The following BEND4 variants were observed in gnomAD, a reference collection of about 807,000 sequenced individuals.
The protein encoded by BEND4 is BEN domain-containing protein 4.
In BEND4, 27 loss-of-function variants were observed where a neutral mutation model predicts 54.7. The observed-to-expected ratio is 0.49, with a 90% CI of 0.36 to 0.68. BEND4 has a LOEUF of 0.68. Ranked by LOEUF, BEND4 falls within the 30% of genes least tolerant of loss-of-function variation. The probability of loss-of-function intolerance (pLI) is 0.00; values close to 1 mark genes in which losing one functional copy is unlikely to be tolerated. For synonymous variants in BEND4, 327 were observed against 299.5 expected (o/e 1.09, Z -0.95); for missense variants, 702 against 697.2 (o/e 1.01, Z -0.08).
At chr4:42,123,658 A>G (rs970834644) in intron 4 of BEND4, among the ~76,000 whole-genome samples, 6 of 141,770 alleles carry the variant, frequency 4.2e-5, no homozygotes, top group Admixed American at 2.2e-4. Context: ...GGAGCAAAGG[A>G]TTTTAAGCAT....
chr4:42,140,998 T>C (rs1720860462), intron 3 of BEND4, among the ~76,000 whole-genome samples: 1 of 151,910 alleles, frequency 6.6e-6, no homozygotes, highest in African/African-American at 2.4e-5. Flanking sequence ...AACTAAGCAC[T>C]GGTTACACAG....
chr4:42,125,516 T>A, intron 4 of BEND4, 67 bp downstream of exon 4: 1 of 1,250,762 alleles, frequency 8.0e-7, no homozygotes, highest in Middle Eastern at 1.9e-4. Context: ...TGGTATACAC[T>A]GATAAGTTAA....
At chr4:42,131,464 T>C (rs944017803) in intron 3 of BEND4, among the ~76,000 whole-genome samples, 1 of 152,224 alleles carries the variant, frequency 6.6e-6, no homozygotes, top group Non-Finnish European at 1.5e-5. Flanking sequence ...GTGGGTATAA[T>C]AGTTTTATAC....
At chr4:42,139,714 A>G (rs1192106824) in intron 3 of BEND4, among the ~76,000 whole-genome samples, 1 of 152,112 alleles carries the variant, frequency 6.6e-6, no homozygotes, top group Non-Finnish European at 1.5e-5. Context: ...TTCTGTGCTA[A>G]CTGCTGAGCG....
intron 2 of BEND4, among the ~76,000 whole-genome samples, chr4:42,149,656 CAAAAT>C (rs950564381): frequency 6.7e-6 from 1 of 148,206 alleles, no homozygotes; most frequent in African/African-American, 2.5e-5. Flanking sequence ...GGAACAGAGA[CAAAAT>C]AAACTAAACA....
intron 3 of BEND4, among the ~76,000 whole-genome samples, chr4:42,140,144 C>T (rs567442161): frequency 2.6e-5 from 4 of 152,290 alleles, no homozygotes; most frequent in African/African-American, 9.6e-5. Flanking sequence ...CCCAGTGACA[C>T]TTTAACCTGT....
At chr4:42,131,177 CT>C (rs1185183229) in intron 3 of BEND4, among the ~76,000 whole-genome samples, 1 of 152,100 alleles carries the variant, frequency 6.6e-6, no homozygotes, top group Non-Finnish European at 1.5e-5. Context: ...ACATGTTTAC[CT>C]ATGTAACAAA....
At chr4:42,149,963 A>G (rs1721205985) in intron 2 of BEND4, among the ~76,000 whole-genome samples, 1 of 152,238 alleles carries the variant, frequency 6.6e-6, no homozygotes, top group South Asian at 2.1e-4. Flanking sequence ...AGAGGAGATC[A>G]AAGACTGACC....
chr4:42,138,642 A>G (rs1720780087), intron 3 of BEND4, among the ~76,000 whole-genome samples: 1 of 152,242 alleles, frequency 6.6e-6, no homozygotes, highest in South Asian at 2.1e-4. Flanking sequence ...CAGCTTCACT[A>G]CAGTAACCTT....
chr4:42,144,222 AC>A, intron 2 of BEND4: 1 of 581,016 alleles, frequency 1.7e-6, no homozygotes, highest in Non-Finnish European at 3.0e-6. Context: ...GCTCTAGGAA[AC>A]GGCTGGACTG....
chr4:42,126,316 T>G (rs1720281694), intron 3 of BEND4, among the ~76,000 whole-genome samples: 1 of 152,192 alleles, frequency 6.6e-6, no homozygotes, highest in South Asian at 2.1e-4. Context: ...TAGCACCCAA[T>G]GATGCTTTTA....
chr4:42,144,050 A>T (rs752489179), intron 2 of BEND4, 56 bp from the exon 3 acceptor site: 5 of 1,256,340 alleles, frequency 4.0e-6, no homozygotes, highest in East Asian at 4.9e-5. Context: ...AAAGATAAAT[A>T]AAGTCCTCAA....
intron 3 of BEND4, among the ~76,000 whole-genome samples, chr4:42,130,036 C>G (rs1418725663): frequency 1.3e-5 from 2 of 152,148 alleles, no homozygotes; most frequent in Non-Finnish European, 2.9e-5. Flanking sequence ...CTACAAGGAA[C>G]TTAAACAAAT....
rs1262590702 is a variant in BEND4, at chr4:42,116,086, A to C, written c.*1432T>G. 6.6e-6 allele frequency: 1 copy of C among 152,226 alleles called. No individual in the cohort carries two copies. The highest frequency in any genetic ancestry group is 2.4e-5 in the African/African-American group (1 of 41,468). The allele number at this position is 152,226 out of a possible 1,614,324, so 9.4% of individuals were successfully genotyped here. A position where few individuals can be genotyped will look rare whatever the true frequency, so the allele number is the denominator to read the frequency against. On this transcript the variant is annotated 3_prime_UTR_variant, in exon 6 of 6. Coordinates refer to ENST00000502486, the MANE Select transcript of BEND4 (RefSeq NM_207406.4). Reference sequence around the variant, plus strand: ...TATTAAATCTAAAGGACAATTTATGAGTTTATGTTGACAAAAATAGCCCAA... The same window carrying C: ...TATTAAATCTAAAGGACAATTTATGCGTTTATGTTGACAAAAATAGCCCAA...
chr4:42,139,735 C>T (rs1324447757), intron 3 of BEND4, among the ~76,000 whole-genome samples: 1 of 152,096 alleles, frequency 6.6e-6, no homozygotes, highest in African/African-American at 2.4e-5. Context: ...TTGCGTTCTC[C>T]TTTGTATTCA....
In BEND4 at chr4:42,113,631, T is replaced by C. The variant is rs1046178223; in HGVS notation, c.*3887A>G. 1 of 152,112 alleles carries C rather than the reference T, an allele frequency of 6.6e-6. No homozygotes were observed. The highest frequency in any genetic ancestry group is 2.4e-5 in the African/African-American group (1 of 41,414). The allele number at this position is 152,112 out of a possible 1,614,324, so 9.4% of individuals were successfully genotyped here. A position where few individuals can be genotyped will look rare whatever the true frequency, so the allele number is the denominator to read the frequency against. ...GTTACTGGACTTAAAAAAAATCCTATCAACATCAGTTACCACTAGTTGATG... is the reference window on the plus strand; with the variant it reads ...GTTACTGGACTTAAAAAAAATCCTACCAACATCAGTTACCACTAGTTGATG... On this transcript the variant is annotated 3_prime_UTR_variant, in exon 6 of 6. Coordinates refer to ENST00000502486, the MANE Select transcript of BEND4 (RefSeq NM_207406.4).
intron 3 of BEND4, among the ~76,000 whole-genome samples, chr4:42,128,871 G>C (rs1218558250): frequency 6.6e-6 from 1 of 152,118 alleles, no homozygotes; most frequent in African/African-American, 2.4e-5. Flanking sequence ...GGGAGGCGGA[G>C]CTTGCAGTGA....
At chr4:42,137,202 T>C (rs533854562) in intron 3 of BEND4, among the ~76,000 whole-genome samples, 17 of 152,252 alleles carry the variant, frequency 1.1e-4, no homozygotes, top group Middle Eastern at 3.4e-3. Flanking sequence ...CCCATGGAGT[T>C]ATGAGGATAA....
chr4:42,145,169 A>G (rs1335526600), intron 2 of BEND4, among the ~76,000 whole-genome samples: 10 of 152,214 alleles, frequency 6.6e-5, no homozygotes, highest in Non-Finnish European at 1.5e-4. Flanking sequence ...AGAATAAAAA[A>G]TGGTGAGATG....
Sources: gnomAD v4.1 joint callset for allele counts (sites outside exome capture counted in the v4.1 genomes callset) on GRCh38, gnomAD v4.1.1 for gene constraint, MANE v1.5 for transcripts, NCBI Gene and HGNC (gene_info 2026-07-23, HGNC 2026-07-21) for gene names.